The following TTC28 variants were observed in gnomAD, a reference collection of about 807,000 sequenced individuals.
TTC28 encodes the protein tetratricopeptide repeat domain 28.
TTC28 carries 61 observed loss-of-function variants against 198.0 expected under a neutral mutation model. The ratio of observed to expected loss-of-function variants is 0.31; its 90% confidence interval spans 0.25 to 0.38. TTC28 has a LOEUF of 0.38. Ranked by LOEUF, TTC28 falls within the 10% of genes least tolerant of loss-of-function variation. The pLI, the probability that TTC28 is intolerant of heterozygous loss-of-function variation, is 1.00. For synonymous variants in TTC28, 1,171 were observed against 1,297.8 expected (o/e 0.90, Z 2.10); for missense variants, 2,678 against 3,164.0 (o/e 0.85, Z 3.69).
intron 12 of TTC28, among the ~76,000 whole-genome samples, chr22:28,089,562 C>T (rs2146842121): frequency 6.6e-6 from 1 of 151,124 alleles, no homozygotes. Flanking sequence ...ATACCTAATG[C>T]TTAATGACGA....
chr22:28,652,407 C>G (rs577914270), intron 1 of TTC28, among the ~76,000 whole-genome samples: 2 of 152,240 alleles, frequency 1.3e-5, no homozygotes, highest in South Asian at 4.1e-4. Flanking sequence ...TAATTGCTGT[C>G]AGAAATAATG....
At chr22:28,412,550 C>T (rs2047098080) in intron 2 of TTC28, among the ~76,000 whole-genome samples, 2 of 152,146 alleles carry the variant, frequency 1.3e-5, no homozygotes, top group Non-Finnish European at 2.9e-5. Context: ...TATGATGATC[C>T]CACTACAATA....
intron 5 of TTC28, among the ~76,000 whole-genome samples, chr22:28,247,941 C>CA (rs1052628742): frequency 1.5e-4 from 23 of 151,726 alleles, no homozygotes; most frequent in Non-Finnish European, 2.4e-4. Flanking sequence ...ATTTTTAATA[C>CA]AAAAAAAATC....
intron 2 of TTC28, among the ~76,000 whole-genome samples, chr22:28,622,170 C>A (rs968508735): frequency 6.6e-6 from 1 of 152,120 alleles, no homozygotes; most frequent in African/African-American, 2.4e-5. Flanking sequence ...TACAGAAATA[C>A]TGGTAGAAAA....
intron 2 of TTC28, among the ~76,000 whole-genome samples, chr22:28,326,048 C>G (rs1038730639): frequency 1.3e-5 from 2 of 152,088 alleles, no homozygotes; most frequent in Non-Finnish European, 2.9e-5. Flanking sequence ...TATAGCAGCT[C>G]TATTCATAAT....
chr22:28,568,108 CTGCATTTTCAGAGTAA>C (rs1404090006), intron 2 of TTC28, among the ~76,000 whole-genome samples: 2 of 152,102 alleles, frequency 1.3e-5, no homozygotes, highest in Non-Finnish European at 2.9e-5. Context: ...CAGCTGTGAA[CTGCATTTTCAGAGTAA>C]TACTAATATA....
intron 2 of TTC28, among the ~76,000 whole-genome samples, chr22:28,441,418 G>A (rs1002243509): frequency 6.6e-6 from 1 of 151,918 alleles, no homozygotes; most frequent in African/African-American, 2.4e-5. Context: ...GTTGGAGGTG[G>A]GGGTGGGGAA....
intron 5 of TTC28, among the ~76,000 whole-genome samples, chr22:28,216,724 G>A (rs1175671025): frequency 6.6e-6 from 1 of 151,778 alleles, no homozygotes; most frequent in Non-Finnish European, 1.5e-5. Flanking sequence ...TTTTTAGTTT[G>A]AAAAAAAATT....
chr22:28,328,135 T>C (rs2045559982), intron 2 of TTC28, among the ~76,000 whole-genome samples: 1 of 152,264 alleles, frequency 6.6e-6, no homozygotes, highest in African/African-American at 2.4e-5. Flanking sequence ...ATACCTTATT[T>C]AAAAACATGC....
At chr22:28,335,868 A>G (rs1175475766) in intron 2 of TTC28, among the ~76,000 whole-genome samples, 2 of 152,190 alleles carry the variant, frequency 1.3e-5, no homozygotes, top group Non-Finnish European at 2.9e-5. Context: ...AGAACTTCCA[A>G]TACTATGTTG....
rs1017804331 is a variant in TTC28, at chr22:28,278,332, A to C, written c.933+17866T>G. Reference sequence around the variant, plus strand: ...GGTAAATATTAATCACATGCAAATCATCCACTATCAACGGTAATCATTATT... The same window carrying C: ...GGTAAATATTAATCACATGCAAATCCTCCACTATCAACGGTAATCATTATT... On this transcript the variant is annotated intron_variant, in intron 5 of 22. Coordinates refer to ENST00000397906, the MANE Select transcript of TTC28 (RefSeq NM_001145418.2). Among the ~76,000 whole-genome samples the C allele has an allele frequency of 9.2e-5, 14 of 152,372 alleles. No homozygotes were observed. In the South Asian group the frequency reaches 2.9e-3, roughly 32 times the overall value.
chr22:28,013,587 A>G (rs1213979216), intron 14 of TTC28, among the ~76,000 whole-genome samples: 2 of 152,194 alleles, frequency 1.3e-5, no homozygotes, highest in Non-Finnish European at 1.5e-5. Flanking sequence ...GTGGGAATTG[A>G]TTCTCTGAGA....
intron 6 of TTC28, among the ~76,000 whole-genome samples, chr22:28,161,653 CAAGA>C (rs552537925): frequency 1.4e-5 from 2 of 146,880 alleles, no homozygotes; most frequent in Non-Finnish European, 3.0e-5. Context: ...GACCCTGTCT[CAAGA>C]AAGAAAGAAA....
intron 5 of TTC28, among the ~76,000 whole-genome samples, chr22:28,261,705 G>T (rs565969362): frequency 6.6e-6 from 1 of 152,258 alleles, no homozygotes; most frequent in African/African-American, 2.4e-5. Flanking sequence ...CAGAGGTCCT[G>T]CAGAAAGAAG....
At chr22:28,174,635 C>T (rs866233506) in intron 5 of TTC28, among the ~76,000 whole-genome samples, 12 of 152,280 alleles carry the variant, frequency 7.9e-5, no homozygotes, top group Non-Finnish European at 1.6e-4. Flanking sequence ...ACTGTTTGAG[C>T]CCAGGAGTTT....
At position 28,224,127 on chromosome 22, in the gene TTC28, G is replaced by A. The variant is rs185823390; in HGVS notation, c.934-60528C>T. ...TCAGTGATGCCGCTAATCATCCTAC[G>A]ATGCACAGAACAGACCCCCACAATA... On this transcript the variant is annotated intron_variant, in intron 5 of 22. Transcript: ENST00000397906. Among the ~76,000 whole-genome samples the A allele has an allele frequency of 1.6e-3, 244 of 152,230 alleles. 1 individual carries two copies. Among genetic ancestry groups the A allele is most frequent in the Middle Eastern group, 0.014 (4 of 294 alleles).
chr22:28,251,999 T>C (rs935673909), intron 5 of TTC28, among the ~76,000 whole-genome samples: 4 of 152,194 alleles, frequency 2.6e-5, no homozygotes, highest in African/African-American at 9.7e-5. Flanking sequence ...TTGTATTATA[T>C]ATAGCGGGGA....
chr22:28,023,487 GGTGTAT>G (rs1168813051), intron 13 of TTC28, among the ~76,000 whole-genome samples: 1 of 152,216 alleles, frequency 6.6e-6, no homozygotes, highest in Non-Finnish European at 1.5e-5. Flanking sequence ...AAGACAACCT[GGTGTAT>G]GGCAGCCTGC....
intron 5 of TTC28, among the ~76,000 whole-genome samples, chr22:28,264,869 T>C (rs1307625724): frequency 2.0e-5 from 3 of 152,212 alleles, no homozygotes; most frequent in Non-Finnish European, 2.9e-5. Flanking sequence ...GTTGAAGATA[T>C]ATCCCTAGAG....
Sources: allele counts gnomAD v4.1 joint callset (sites outside exome capture counted in the v4.1 genomes callset), GRCh38; gene constraint gnomAD v4.1.1; transcripts MANE v1.5; gene names NCBI Gene and HGNC (gene_info 2026-07-23, HGNC 2026-07-21).